The following SYNE1 variants were observed in gnomAD, a reference collection of about 807,000 sequenced individuals.
SYNE1 encodes the protein spectrin repeat containing nuclear envelope protein 1, also known as nesprin-1.
A neutral mutation model predicts 1,111.0 loss-of-function variants in SYNE1; 616 were observed. The observed-to-expected ratio is 0.55, with a 90% CI of 0.52 to 0.59. The LOEUF (loss-of-function observed/expected upper bound fraction) is 0.59, where lower values mean the gene tolerates loss of function less well. Among genes scored for constraint, SYNE1 ranks in the 20% least tolerant of loss-of-function variants. The pLI is 0.00. For missense variants in SYNE1, 10,006 were observed against 10,417.0 expected (o/e 0.96, Z 1.72); for synonymous variants, 3,855 against 3,825.8 (o/e 1.01, Z -0.28).
intron 3 of SYNE1, among the ~76,000 whole-genome samples, chr6:152,552,854 C>A (rs899550297): frequency 1.3e-5 from 2 of 152,156 alleles, no homozygotes; most frequent in Non-Finnish European, 2.9e-5. Flanking sequence ...AGAAGATCTA[C>A]TGGACTCCAG....
In SYNE1 at chr6:152,462,798, T is replaced by A. The variant is rs1408198728; in HGVS notation, c.2190A>T (p.Lys730Asn). 14 of 1,613,900 alleles carry A rather than the reference T, an allele frequency of 8.7e-6. No homozygotes were observed. Among genetic ancestry groups the A allele is most frequent in the Non-Finnish European group, 1.1e-5 (13 of 1,179,954 alleles). Residue 730 changes from lysine to asparagine, a missense_variant, in exon 20 of 146, where the codon AAA (lysine) becomes AAT (asparagine). Physicochemically the swap from Lys to Asn is moderately conservative, Grantham distance 94. Around this residue, in one of 7 missense-constraint regions of SYNE1, gnomAD observed 1,971 missense variants for 2,084.1 expected, o/e 0.95. Transcript: ENST00000367255. ...AAGAGACTTCTAAGGGTTCAGAAAG[T>A]TTCTTATGGGCTTCCGTTGCAAAAG... is the stretch of plus-strand genomic sequence containing the variant. ...LSAFATEAHKKLSEPLEVSFM... is the reference protein window; with the variant it reads ...LSAFATEAHKNLSEPLEVSFM...
intron 32 of SYNE1, 115 bp from the exon 33 acceptor site, chr6:152,436,216 A>T: frequency 9.5e-7 from 1 of 1,053,762 alleles, no homozygotes; most frequent in Non-Finnish European, 1.4e-6. Context: ...ATAGAGTCAT[A>T]CATGTATGGA....
chr6:152,295,970 C>T (rs916961142), intron 93 of SYNE1, among the ~76,000 whole-genome samples: 4 of 152,194 alleles, frequency 2.6e-5, no homozygotes, highest in Admixed American at 1.3e-4. Flanking sequence ...GATCGTCACA[C>T]GTGAATGCAC....
intron 133 of SYNE1, among the ~76,000 whole-genome samples, chr6:152,152,960 T>A (rs188284983): frequency 4.5e-4 from 68 of 152,290 alleles, no homozygotes; most frequent in Non-Finnish European, 7.1e-4. Flanking sequence ...CCCTATAGCA[T>A]AAGAGTCATT....
At chr6:152,483,008 G>T in intron 14 of SYNE1, 77 bp downstream of exon 14, 1 of 1,524,132 alleles carries the variant, frequency 6.6e-7, no homozygotes, top group African/African-American at 1.4e-5. Flanking sequence ...CCCCGCCAGA[G>T]CAGGTTGTAA....
At chr6:152,527,075 A>T (rs2099167015) in intron 4 of SYNE1, among the ~76,000 whole-genome samples, 1 of 152,194 alleles carries the variant, frequency 6.6e-6, no homozygotes, top group Non-Finnish European at 1.5e-5. Flanking sequence ...TAGCATCTGA[A>T]TTCAAACTTT....
chr6:152,503,023 G>A (rs1222831711), intron 9 of SYNE1, among the ~76,000 whole-genome samples: 3 of 152,162 alleles, frequency 2.0e-5, no homozygotes, highest in Admixed American at 2.0e-4. Flanking sequence ...TCATGAGACA[G>A]TATCTCCCAA....
rs190668373 is a variant in SYNE1, at chr6:152,220,647, A to G, written c.21861+195T>C. 5.1e-4 allele frequency among the ~76,000 whole-genome samples: 77 copies of G among 152,322 alleles called. No individual in the cohort carries two copies. The Middle Eastern group carries it at 0.02, about 40-fold the overall frequency. The stretch of plus-strand genomic sequence containing the variant: ...ACAACTCATTTTAAAAAATAAAACA[A>G]TGGGAGGAGACCTCTTAGTCTGATG... On this transcript the variant is annotated intron_variant, in intron 119 of 145. Transcript: ENST00000367255.
At position 152,301,992 on chromosome 6, in the gene SYNE1, C is replaced by T. The variant is rs17082422; in HGVS notation, c.17418G>A (p.Thr5806=). The change falls in exon 92 of 146, where the codon ACG becomes ACA. Residue 5806 remains threonine (T), a synonymous_variant. Transcript: ENST00000367255. ...ASLNSKCKML[T]MKAKHATMLL... ...GCATGGTGGCGTGCTTGGCTTTCATCGTCAGCATCTTGCACTTGGAATTCA... is the reference window on the plus strand; with the variant it reads ...GCATGGTGGCGTGCTTGGCTTTCATTGTCAGCATCTTGCACTTGGAATTCA... The T allele has an allele frequency of 2.7e-3, 4,419 of 1,614,246 alleles. 95 individuals are homozygous for T. In the African/African-American group the frequency reaches 0.053, roughly 19 times the overall value.
intron 3 of SYNE1, among the ~76,000 whole-genome samples, chr6:152,625,714 T>C (rs1187608347): frequency 2.0e-5 from 3 of 152,178 alleles, no homozygotes; most frequent in Admixed American, 2.0e-4. Context: ...ACTAGTTTTA[T>C]ACAGCACAGA....
chr6:152,136,041 G>A (rs754354552), intron 141 of SYNE1, among the ~76,000 whole-genome samples: 3 of 152,152 alleles, frequency 2.0e-5, no homozygotes, highest in Non-Finnish European at 2.9e-5. Context: ...AGCTCAAAGA[G>A]CCAAATAAAT....
intron 62 of SYNE1, among the ~76,000 whole-genome samples, chr6:152,366,246 C>T (rs1010457876): frequency 4.6e-5 from 7 of 152,100 alleles, no homozygotes; most frequent in Admixed American, 1.3e-4. Context: ...GCAGGAGAAT[C>T]GCTTGAACCC....
intron 66 of SYNE1, 109 bp from the exon 67 acceptor site, chr6:152,355,085 A>G: frequency 8.1e-7 from 1 of 1,230,968 alleles, no homozygotes; most frequent in Non-Finnish European, 1.2e-6. Flanking sequence ...CATTAGAAAA[A>G]AATGATTTTA....
chr6:152,598,186 G>C (rs981389562), intron 3 of SYNE1, among the ~76,000 whole-genome samples: 9 of 152,002 alleles, frequency 5.9e-5, no homozygotes, highest in Non-Finnish European at 1.0e-4. Flanking sequence ...CCGGTGGGAG[G>C]TAATTGAATC....
intron 127 of SYNE1, among the ~76,000 whole-genome samples, chr6:152,193,103 A>T (rs558974098): frequency 6.6e-6 from 1 of 151,880 alleles, no homozygotes; most frequent in Admixed American, 6.6e-5. Context: ...CCATTTTATT[A>T]TTTGTTTTTT....
chr6:152,140,046 G>A lies in SYNE1; in HGVS notation c.25362C>T (p.Ala8454=), dbSNP rs773341728. ...ACTCCTCCTCCGTGTCCCCCAGCCA[G>A]GCCCAGATGCTGTTCAAGTCTGAGT... is the stretch of plus-strand genomic sequence containing the variant. ...QFNSDLNSIW[A]WLGDTEEELE... Residue 8454 remains alanine, a synonymous_variant, in exon 140 of 146, where the codon GCC becomes GCT. Coordinates refer to ENST00000367255, the MANE Select transcript of SYNE1 (RefSeq NM_182961.4). The A allele has an allele frequency of 6.8e-5, 110 of 1,614,070 alleles. No homozygotes were observed. The East Asian group carries it at 2.5e-3, about 36-fold the overall frequency.
At chr6:152,539,874 G>A in intron 4 of SYNE1, 86 bp downstream of exon 4, 1 of 1,390,460 alleles carries the variant, frequency 7.2e-7, no homozygotes, top group Non-Finnish European at 1.0e-6. Context: ...GTGACAACAG[G>A]GACAGAAGCA....
chr6:152,520,657 A>G, intron 5 of SYNE1, 115 bp from the exon 6 acceptor site: 1 of 1,155,598 alleles, frequency 8.7e-7, no homozygotes, highest in Middle Eastern at 2.0e-4. Flanking sequence ...AAAAGCAACC[A>G]ACATTGTTCA....
At chr6:152,588,638 G>A (rs2099548010) in intron 3 of SYNE1, among the ~76,000 whole-genome samples, 2 of 152,172 alleles carry the variant, frequency 1.3e-5, no homozygotes. Flanking sequence ...TGTGTGGGAT[G>A]TCAGACTTGC....
Sources: gnomAD v4.1 joint callset for allele counts (sites outside exome capture counted in the v4.1 genomes callset) on GRCh38, gnomAD v4.1.1 for gene constraint, gnomAD v4.1.1 regional missense constraint, MANE v1.5 for transcripts, NCBI Gene and HGNC (gene_info 2026-07-23, HGNC 2026-07-21) for gene names.